Variants in BOC observed in about 807,000 individuals in gnomAD.
BOC encodes BOC cell adhesion associated, oncogene regulated.
A neutral mutation model predicts 112.0 loss-of-function variants in BOC; 76 were observed. That is an observed-to-expected ratio of 0.68 (90% CI 0.56 to 0.82). The LOEUF (loss-of-function observed/expected upper bound fraction) is 0.82. Ranked by LOEUF, BOC falls within the 40% of genes least tolerant of loss-of-function variation. The probability of loss-of-function intolerance (pLI) is 0.00; values close to 1 mark genes in which losing one functional copy is unlikely to be tolerated. For missense variants in BOC, 1,309 were observed against 1,511.7 expected (o/e 0.87, Z 2.22); for synonymous variants, 580 against 599.8 (o/e 0.97, Z 0.48).
At position 113,273,232 on chromosome 3, in the gene BOC, C is replaced by G; in HGVS notation, c.1125C>G (p.Ala375=). The change falls in exon 8 of 20, where the codon GCC becomes GCG. Residue 375 remains alanine, a synonymous_variant. Coordinates refer to ENST00000682979, the MANE Select transcript of BOC (RefSeq NM_001378074.1). ...SSQRLRLSRR[A]LRVLSMGPED... ...AGCGCCTCCGGCTCTCCCGCAGGGC[C>G]CTGCGCGTGCTCAGCATGGGGCCTG... is the stretch of plus-strand genomic sequence containing the variant. The G allele has an allele frequency of 6.2e-7, 1 of 1,613,640 alleles. No individual in the cohort carries two copies. Among genetic ancestry groups the G allele is most frequent in the Non-Finnish European group, 8.5e-7 (1 of 1,180,002 alleles).
chr3:113,268,289 C>T lies in BOC; in HGVS notation c.377-10C>T. Reference sequence around the variant, plus strand: ...TGTCCTCCAACCAGCACCTTCCCTTCTCTTCACAGATCTCCAGGACTTCAA... The same window carrying T: ...TGTCCTCCAACCAGCACCTTCCCTTTTCTTCACAGATCTCCAGGACTTCAA... On this transcript the variant is annotated splice_polypyrimidine_tract_variant and intron_variant, in intron 4 of 19. Transcript: ENST00000682979. 1.2e-6 allele frequency: 2 copies of T among 1,614,032 alleles called. No individual in the cohort carries two copies. Among genetic ancestry groups the T allele is most frequent in the Non-Finnish European group, 8.5e-7 (1 of 1,179,962 alleles).
chr3:113,237,589 G>C (rs1315154958), intron 2 of BOC, among the ~76,000 whole-genome samples: 1 of 152,208 alleles, frequency 6.6e-6, no homozygotes, highest in Non-Finnish European at 1.5e-5. Context: ...CTTCTGGAAT[G>C]GAACCTCAAG....
intron 6 of BOC, chr3:113,271,383 G>A: frequency 2.7e-6 from 1 of 369,678 alleles, no homozygotes; most frequent in Non-Finnish European, 5.4e-6. Flanking sequence ...CTGATGAGGT[G>A]TGCCCTGCAC....
intron 6 of BOC, chr3:113,271,204 G>T (rs1283271257): frequency 3.1e-6 from 2 of 647,532 alleles, no homozygotes; most frequent in Non-Finnish European, 5.7e-6. Context: ...TTCCTTCACG[G>T]TTACTTTGCG....
At chr3:113,230,703 C>T (rs993737139) in intron 2 of BOC, among the ~76,000 whole-genome samples, 1 of 152,094 alleles carries the variant, frequency 6.6e-6, no homozygotes, top group Non-Finnish European at 1.5e-5. Flanking sequence ...AAATATATGC[C>T]TCAATCCCAT....
intron 2 of BOC, among the ~76,000 whole-genome samples, chr3:113,233,148 GGTGTGTGTGTGTGTGTGTGTGTGT>G (rs59444901): frequency 3.2e-5 from 4 of 123,960 alleles, no homozygotes; most frequent in Admixed American, 8.5e-5. Context: ...AAAGGATTGG[GGTGTGTGTGTGTGTGTGTGTGTGT>G]GTGTGTGTGT....
At chr3:113,222,028 A>G (rs78942406) in intron 2 of BOC, among the ~76,000 whole-genome samples, 5 of 152,076 alleles carry the variant, frequency 3.3e-5, no homozygotes, top group African/African-American at 9.7e-5. Flanking sequence ...CCTCATTTCA[A>G]TCAGGCCCCC....
chr3:113,267,656 C>T (rs1319176968), intron 4 of BOC, among the ~76,000 whole-genome samples: 1 of 152,232 alleles, frequency 6.6e-6, no homozygotes, highest in African/African-American at 2.4e-5. Flanking sequence ...CTGGTTATAA[C>T]CATGGCCGGC....
intron 18 of BOC, 150 bp downstream of exon 18, chr3:113,285,008 C>A (rs553663452): frequency 2.5e-4 from 175 of 708,780 alleles, no homozygotes; most frequent in Non-Finnish European, 3.5e-4. Flanking sequence ...TGAACCATTG[C>A]CCTAATAGGC....
intron 4 of BOC, among the ~76,000 whole-genome samples, chr3:113,260,068 G>C (rs1946652564): frequency 6.6e-6 from 1 of 152,146 alleles, no homozygotes; most frequent in Non-Finnish European, 1.5e-5. Flanking sequence ...CCTTGGGTTT[G>C]CTTCCACAGC....
rs1285938680 is a variant in BOC at position 113,278,654 on chromosome 3, A to G, written c.1706-19A>G. 2 of 1,549,848 alleles carry G rather than the reference A, an allele frequency of 1.3e-6. No individual in the cohort carries two copies. The highest frequency in any genetic ancestry group is 1.7e-6 in the Non-Finnish European group (2 of 1,144,678). On this transcript the variant is annotated intron_variant, in intron 10 of 19. Coordinates refer to ENST00000682979, the MANE Select transcript of BOC (RefSeq NM_001378074.1). The surrounding 1 kb of genome is among the most constrained non-coding windows in gnomAD (Gnocchi z 4.2). ...ATGCCTGCTTCCTCCCTTGCTGACT[A>G]CAACCCATTTCCACCCAGGACGGCG...
At chr3:113,239,089 G>A (rs1221655044) in intron 2 of BOC, among the ~76,000 whole-genome samples, 2 of 152,158 alleles carry the variant, frequency 1.3e-5, no homozygotes, top group Non-Finnish European at 2.9e-5. Flanking sequence ...AGATACACTC[G>A]ATTTGGAAGA....
intron 2 of BOC, among the ~76,000 whole-genome samples, chr3:113,225,643 A>C (rs983243694): frequency 3.9e-5 from 6 of 152,260 alleles, no homozygotes; most frequent in African/African-American, 1.4e-4. Context: ...TTTGTGCCTA[A>C]GACTGTGAAT....
At chr3:113,283,659 G>A (rs2107747347) in intron 16 of BOC, 27 bp downstream of exon 16, 2 of 1,601,526 alleles carry the variant, frequency 1.2e-6, no homozygotes, top group East Asian at 4.5e-5. Flanking sequence ...TTCAGTGGGA[G>A]GATCCTGGGT....
At position 113,261,292 on chromosome 3, in the gene BOC, C is replaced by T. The variant is rs1576444495; in HGVS notation, c.377-7007C>T. ...GATGAGTCCAGACCACCAGGACTCA[C>T]ATTAATTTTCCCACTGCTAAGTTTA... is the stretch of plus-strand genomic sequence containing the variant. On this transcript the variant is annotated intron_variant, in intron 4 of 19. Transcript: ENST00000682979. 2.6e-5 allele frequency among the ~76,000 whole-genome samples: 4 copies of T among 152,362 alleles called. No homozygotes were observed. The South Asian group carries it at 8.3e-4, about 32-fold the overall frequency.
Position 113,249,819 on chromosome 3 carries a change from T to G in BOC, c.17T>G (p.Met6Arg), listed in dbSNP as rs2107385811. Residue 6 changes from methionine to arginine, a missense_variant, in exon 3 of 20, where the codon ATG becomes AGG. By Grantham distance (91) the Met-to-Arg change is moderately conservative. Transcript: ENST00000682979. The part of the protein sequence containing the change: MLRGT[M>R]TAWRGMRPEV... ...TGATACACCATGCTGCGTGGGACGA[T>G]GACGGCGTGGAGAGGAATGAGGCCT... 1.2e-6 allele frequency: 2 copies of G among 1,613,226 alleles called. No individual in the cohort carries two copies. The highest frequency in any genetic ancestry group is 4.5e-5 in the East Asian group (2 of 44,858).
At chr3:113,223,868 T>C (rs1464413355) in intron 2 of BOC, among the ~76,000 whole-genome samples, 1 of 152,236 alleles carries the variant, frequency 6.6e-6, no homozygotes, top group African/African-American at 2.4e-5. Context: ...ACCAGAGCCC[T>C]GCAGGTCTGC....
intron 2 of BOC, among the ~76,000 whole-genome samples, chr3:113,228,520 T>C (rs912256787): frequency 9.9e-5 from 15 of 152,212 alleles, no homozygotes; most frequent in Non-Finnish European, 1.5e-4. Flanking sequence ...CTCCAGACCC[T>C]TTTTCTGGGT....
At chr3:113,241,909 A>C (rs1359465845) in intron 2 of BOC, among the ~76,000 whole-genome samples, 1 of 150,860 alleles carries the variant, frequency 6.6e-6, no homozygotes, top group Non-Finnish European at 1.5e-5. Context: ...TTTTGTCCTG[A>C]CTCAGAGAAG....
Sources: allele counts gnomAD v4.1 joint callset (sites outside exome capture counted in the v4.1 genomes callset), GRCh38; gene constraint gnomAD v4.1.1; non-coding constraint Gnocchi (gnomAD v3.1); transcripts MANE v1.5; gene names NCBI Gene and HGNC (gene_info 2026-07-23, HGNC 2026-07-21).